Variants in ADAMTS18 observed in about 807,000 individuals in gnomAD.
The protein encoded by ADAMTS18 is ADAM metallopeptidase with thrombospondin type 1 motif 18.
ADAMTS18 carries 157 observed loss-of-function variants against 165.9 expected under a neutral mutation model. The ratio of observed to expected loss-of-function variants is 0.95; its 90% CI spans 0.83 to 1.08. The LOEUF is 1.08. Ranked by LOEUF, ADAMTS18 falls within the 50% of genes least tolerant of loss-of-function variation. The pLI is 0.00. For missense variants in ADAMTS18, 2,040 were observed against 1,534.0 expected (o/e 1.33, Z -5.51); for synonymous variants, 782 against 578.2 (o/e 1.35, Z -5.06).
chr16:77,387,297 A>T (rs12598504), intron 3 of ADAMTS18, among the ~76,000 whole-genome samples: 18,329 of 152,128 alleles, frequency 0.12, 1,400 homozygotes, highest in East Asian at 0.25. Flanking sequence ...GCTCATTTCC[A>T]TCTCATGTCG....
At chr16:77,366,427 G>A (rs1239931220) in intron 4 of ADAMTS18, among the ~76,000 whole-genome samples, 10 of 152,114 alleles carry the variant, frequency 6.6e-5, no homozygotes, top group African/African-American at 1.9e-4. Flanking sequence ...GCGTGCTGGC[G>A]TGCGCCTATA....
At chr16:77,354,034 T>G (rs992101335) in intron 9 of ADAMTS18, 148 bp from the exon 10 acceptor site, 1 of 994,046 alleles carries the variant, frequency 1.0e-6, no homozygotes, top group Non-Finnish European at 1.6e-6. Flanking sequence ...TCTATGTTTA[T>G]GCCAAAGAGT....
intron 16 of ADAMTS18, among the ~76,000 whole-genome samples, chr16:77,314,788 AAT>A (rs1369958855): frequency 2.3e-5 from 2 of 88,470 alleles, no homozygotes; most frequent in East Asian, 5.5e-4. Flanking sequence ...ATATATATAA[AAT>A]ATATGTGATA....
intron 3 of ADAMTS18, among the ~76,000 whole-genome samples, chr16:77,423,209 G>A (rs1000958713): frequency 2.6e-5 from 4 of 152,148 alleles, no homozygotes; most frequent in Non-Finnish European, 5.9e-5. Flanking sequence ...GCCTCCCTGT[G>A]TGTTTTAGCT....
intron 10 of ADAMTS18, 62 bp from the exon 11 acceptor site, chr16:77,341,861 A>G: frequency 8.4e-7 from 1 of 1,194,518 alleles, no homozygotes. Context: ...AAAAATATTC[A>G]AAGATGTTGT....
intron 3 of ADAMTS18, among the ~76,000 whole-genome samples, chr16:77,385,590 T>C (rs1386624656): frequency 6.6e-6 from 1 of 152,216 alleles, no homozygotes; most frequent in African/African-American, 2.4e-5. Flanking sequence ...AACCCTGCCC[T>C]GCCTCCCTTG....
chr16:77,423,749 C>T (rs904661904), intron 3 of ADAMTS18, among the ~76,000 whole-genome samples: 2 of 152,044 alleles, frequency 1.3e-5, no homozygotes, highest in African/African-American at 4.8e-5. Flanking sequence ...CATTTTATGT[C>T]TTCAGTTTAT....
chr16:77,284,891 G>A (rs2055218311), intron 22 of ADAMTS18, among the ~76,000 whole-genome samples: 1 of 152,118 alleles, frequency 6.6e-6, no homozygotes, highest in South Asian at 2.1e-4. Context: ...TGTATTGGGA[G>A]TCAAGCCACC....
intron 12 of ADAMTS18, among the ~76,000 whole-genome samples, chr16:77,331,045 TTAAAG>T (rs1269728992): frequency 1.3e-5 from 2 of 152,218 alleles, no homozygotes; most frequent in Non-Finnish European, 2.9e-5. Flanking sequence ...TCATGCAGAG[TTAAAG>T]TAAACAGTAT....
intron 16 of ADAMTS18, among the ~76,000 whole-genome samples, chr16:77,319,589 C>T (rs1468567582): frequency 2.0e-5 from 3 of 152,066 alleles, no homozygotes; most frequent in African/African-American, 4.8e-5. Flanking sequence ...ATTACAGGCG[C>T]GTGCCACCAC....
At position 77,285,869 on chromosome 16, in the gene ADAMTS18, C is replaced by T. The variant is rs62044008; in HGVS notation, c.3551-1798G>A. On this transcript the variant is annotated intron_variant, in intron 22 of 22. Transcript: ENST00000282849. ...TACTGCCACTGCTCTAGTGGAACCT[C>T]CTCCAACCGCTTCCTGGCAGAGTTG... is the stretch of plus-strand genomic sequence containing the variant. Among the ~76,000 whole-genome samples, 6 of 151,944 alleles carry T rather than the reference C, an allele frequency of 3.9e-5. 1 individual carries two copies. The highest frequency in any genetic ancestry group is 1.4e-4 in the African/African-American group (6 of 41,400).
intron 12 of ADAMTS18, among the ~76,000 whole-genome samples, chr16:77,330,699 C>T (rs2056174126): frequency 6.6e-6 from 1 of 152,162 alleles, no homozygotes; most frequent in South Asian, 2.1e-4. Context: ...TGGCATTGGC[C>T]ATTCCAGAGC....
At chr16:77,325,398 T>C (rs1347604480) in intron 13 of ADAMTS18, among the ~76,000 whole-genome samples, 1 of 152,188 alleles carries the variant, frequency 6.6e-6, no homozygotes, top group African/African-American at 2.4e-5. Context: ...AATTTTTATT[T>C]ATGATTCTGT....
intron 16 of ADAMTS18, among the ~76,000 whole-genome samples, chr16:77,314,538 G>A (rs1285275417): frequency 6.7e-6 from 1 of 149,910 alleles, no homozygotes; most frequent in African/African-American, 2.5e-5. Flanking sequence ...CTTGGACCCA[G>A]TAGGCGGAGG....
rs1203317026 is a variant in ADAMTS18 at position 77,297,293 on chromosome 16, C to T, written c.2797G>A (p.Ala933Thr). ...PKICNAFSCP[A>T]YWMPGEWSTC... ...AGACACTTCCAAATGACTTACTAAG[C>T]CGGGCAGGAGAAAGCGTTGCAGATT... Residue 933 changes from alanine to threonine, a missense_variant, in exon 18 of 23, where the codon GCT becomes ACT. Physicochemically the swap from Ala to Thr is moderately conservative, Grantham distance 58 (BLOSUM62 0). Transcript: ENST00000282849. 1.9e-6 allele frequency: 3 copies of T among 1,613,966 alleles called. No individual in the cohort carries two copies. The highest frequency in any genetic ancestry group is 2.5e-6 in the Non-Finnish European group (3 of 1,179,996).
In ADAMTS18 at chr16:77,431,331, G is replaced by A; in HGVS notation, c.459C>T (p.Ser153=). ...ACGTAGACACAGCGACAGAGGAGGA[G>A]CTGTCATTTCTGATAAATCCCTGAT... ...CFYQGFIRND[S]SSSVAVSTCA... Residue 153 remains serine (S), a synonymous_variant, in exon 3 of 23, where the codon AGC becomes AGT. Transcript: ENST00000282849. The A allele has an allele frequency of 1.2e-6, 2 of 1,614,160 alleles. No individual in the cohort carries two copies. Among genetic ancestry groups the A allele is most frequent in the Non-Finnish European group, 8.5e-7 (1 of 1,180,036 alleles).
At chr16:77,307,377 TGA>T in intron 16 of ADAMTS18, among the ~76,000 whole-genome samples, 1 of 152,286 alleles carries the variant, frequency 6.6e-6, no homozygotes, top group African/African-American at 2.4e-5. Flanking sequence ...CTATTATGTG[TGA>T]GTGATTGAAT....
At chr16:77,284,970 G>C (rs2055220227) in intron 22 of ADAMTS18, among the ~76,000 whole-genome samples, 1 of 152,168 alleles carries the variant, frequency 6.6e-6, no homozygotes, top group Non-Finnish European at 1.5e-5. Flanking sequence ...GTAGGTTTAA[G>C]TCAATCTCAA....
At chr16:77,389,717 G>A (rs1230917103) in intron 3 of ADAMTS18, among the ~76,000 whole-genome samples, 3 of 152,182 alleles carry the variant, frequency 2.0e-5, no homozygotes, top group South Asian at 4.1e-4. Flanking sequence ...AAGAGGCTAA[G>A]GTTAGCCAAG....
Sources: gnomAD v4.1 joint callset for allele counts (sites outside exome capture counted in the v4.1 genomes callset) on GRCh38, gnomAD v4.1.1 for gene constraint, MANE v1.5 for transcripts, NCBI Gene and HGNC (gene_info 2026-07-23, HGNC 2026-07-21) for gene names.